The following PACRG variants were observed in gnomAD, a reference collection of about 807,000 sequenced individuals.
The protein encoded by PACRG is parkin coregulated.
A neutral mutation model predicts 29.7 loss-of-function variants in PACRG; 29 were observed. The observed-to-expected ratio is 0.98, with a 90% CI of 0.73 to 1.33. The LOEUF (loss-of-function observed/expected upper bound fraction) is 1.33. PACRG is among the 40% of genes most tolerant of loss of function. The pLI is 0.00. For missense variants in PACRG, 279 were observed against 316.2 expected (o/e 0.88, Z 0.89); for synonymous variants, 116 against 118.7 (o/e 0.98, Z 0.15).
chr6:162,966,675 A>G (rs1181452767), intron 2 of PACRG, among the ~76,000 whole-genome samples: 1 of 151,842 alleles, frequency 6.6e-6, no homozygotes, highest in African/African-American at 2.4e-5. Context: ...ACGAGGTTTC[A>G]CCGTGTTAGC....
Position 163,263,432 on chromosome 6 carries a change from G to A in PACRG, c.614-51395G>A, listed in dbSNP as rs571644324. ...CCCTGAGTCAGCACGTACAGAACAC[G>A]CTGTGCGCCAAGGACCAGACCCTGC... On this transcript the variant is annotated intron_variant, in intron 4 of 4. Coordinates refer to ENST00000366888, the MANE Select transcript of PACRG (RefSeq NM_001080379.2). Among the ~76,000 whole-genome samples, 16 of 152,254 alleles carry A rather than the reference G, an allele frequency of 1.1e-4. No individual in the cohort carries two copies. In the South Asian group the frequency reaches 2.7e-3, roughly 26 times the overall value.
chr6:162,738,244 A>C (rs1780317550), intron 1 of PACRG, among the ~76,000 whole-genome samples: 1 of 152,174 alleles, frequency 6.6e-6, no homozygotes, highest in African/African-American at 2.4e-5. Flanking sequence ...AGATGCAGAG[A>C]TATAGAGATA....
chr6:163,258,573 C>T (rs1305407075), intron 4 of PACRG, among the ~76,000 whole-genome samples: 1 of 151,918 alleles, frequency 6.6e-6, no homozygotes, highest in Non-Finnish European at 1.5e-5. Context: ...CTGGCTAACA[C>T]GGTGAAACCC....
chr6:163,089,183 C>A, intron 3 of PACRG, 76 bp from the exon 4 acceptor site: 1 of 1,468,932 alleles, frequency 6.8e-7, no homozygotes, highest in African/African-American at 1.4e-5. Flanking sequence ...AACCACAAGA[C>A]AACTTTACCT....
At chr6:163,000,734 A>G (rs966517916) in intron 2 of PACRG, among the ~76,000 whole-genome samples, 4 of 152,226 alleles carry the variant, frequency 2.6e-5, no homozygotes, top group Non-Finnish European at 4.4e-5. Context: ...CACAGCATTT[A>G]TCTATCTGAG....
rs112494307 is a variant in PACRG, at chr6:163,132,959, T to C, written c.613+43551T>C. Among the ~76,000 whole-genome samples the C allele has an allele frequency of 1.7e-3, 266 of 152,354 alleles. 1 individual carries two copies. The highest frequency in any genetic ancestry group is 5.9e-3 in the African/African-American group (245 of 41,582). ...TTTCTAGGAAATTTTTATTGGCTGC[T>C]TTTGTCCACATGATATTTACAGTGT... On this transcript the variant is annotated intron_variant, in intron 4 of 4. Transcript: ENST00000366888.
intron 2 of PACRG, among the ~76,000 whole-genome samples, chr6:162,998,606 G>T (rs1469892168): frequency 6.6e-6 from 1 of 152,018 alleles, no homozygotes; most frequent in African/African-American, 2.4e-5. Flanking sequence ...TTCATTCTTT[G>T]TTAAGCATAT....
chr6:162,984,074 A>G (rs893290633), intron 2 of PACRG, among the ~76,000 whole-genome samples: 3 of 151,950 alleles, frequency 2.0e-5, no homozygotes, highest in African/African-American at 4.8e-5. Context: ...GTTTGGTTAC[A>G]TGAATAATTT....
chr6:162,847,052 GCTC>G (rs1014821860), intron 2 of PACRG, among the ~76,000 whole-genome samples: 11 of 132,536 alleles, frequency 8.3e-5, no homozygotes, highest in African/African-American at 3.2e-4. Context: ...TGACTGCCGT[GCTC>G]CTCATGCTGA....
Position 162,814,237 on chromosome 6 carries a change from A to C in PACRG, c.247A>C (p.Ile83Leu). The change falls in exon 2 of 5, where the codon ATT becomes CTT. Residue 83 changes from isoleucine (I) to leucine (L), a missense_variant. Ile to Leu is a conservative substitution (Grantham distance 5). Transcript: ENST00000366888. Reference sequence around the variant, plus strand: ...ATTCTATGAGCGAGGTGACTTCCCAATTGCCCTTGAGCATGATTCGAAAGG... The same window carrying C: ...ATTCTATGAGCGAGGTGACTTCCCACTTGCCCTTGAGCATGATTCGAAAGG... ...RKFYERGDFP[I>L]ALEHDSKGNK... 1 of 1,613,980 alleles carries C rather than the reference A, an allele frequency of 6.2e-7. No individual in the cohort carries two copies. Among genetic ancestry groups the C allele is most frequent in the Non-Finnish European group, 8.5e-7 (1 of 1,179,924 alleles).
At chr6:163,155,766 T>A (rs1188349520) in intron 4 of PACRG, among the ~76,000 whole-genome samples, 1 of 152,250 alleles carries the variant, frequency 6.6e-6, no homozygotes, top group Non-Finnish European at 1.5e-5. Flanking sequence ...GTCTCTATCC[T>A]GTCCCAACCC....
At chr6:163,216,456 A>G (rs1320773150) in intron 4 of PACRG, among the ~76,000 whole-genome samples, 2 of 152,236 alleles carry the variant, frequency 1.3e-5, no homozygotes, top group Non-Finnish European at 2.9e-5. Context: ...ACGAAGAGGA[A>G]CACAAACTGA....
At chr6:162,970,700 T>C (rs145860192) in intron 2 of PACRG, among the ~76,000 whole-genome samples, 84 of 152,332 alleles carry the variant, frequency 5.5e-4, no homozygotes, top group African/African-American at 1.9e-3. Flanking sequence ...TGAAAGTTGT[T>C]GAGAGAGCTA....
chr6:162,913,411 G>A (rs561222307), intron 2 of PACRG, among the ~76,000 whole-genome samples: 232 of 152,208 alleles, frequency 1.5e-3, no homozygotes, highest in African/African-American at 5.4e-3. Flanking sequence ...TTATTGCTGA[G>A]TAGTGTTTTA....
chr6:162,965,781 G>T (rs1800973753), intron 2 of PACRG, among the ~76,000 whole-genome samples: 1 of 152,226 alleles, frequency 6.6e-6, no homozygotes, highest in Non-Finnish European at 1.5e-5. Flanking sequence ...TTCAGATAAA[G>T]ATGTAAATTT....
chr6:162,819,581 T>C (rs1456062880), intron 2 of PACRG, among the ~76,000 whole-genome samples: 3 of 152,216 alleles, frequency 2.0e-5, no homozygotes, highest in Non-Finnish European at 4.4e-5. Context: ...CCTGAAATCC[T>C]ATAAGGCGAG....
intron 4 of PACRG, among the ~76,000 whole-genome samples, chr6:163,248,203 C>T (rs1308757677): frequency 1.3e-5 from 2 of 152,214 alleles, no homozygotes; most frequent in Non-Finnish European, 2.9e-5. Flanking sequence ...GGGTGAGGAG[C>T]CTGTCACAAT....
chr6:162,908,832 C>T (rs1796107842), intron 2 of PACRG, among the ~76,000 whole-genome samples: 1 of 152,096 alleles, frequency 6.6e-6, no homozygotes, highest in African/African-American at 2.4e-5. Context: ...GATGGATCTC[C>T]ACAGGAAGCA....
intron 2 of PACRG, among the ~76,000 whole-genome samples, chr6:162,900,215 G>A (rs916661564): frequency 3.3e-5 from 5 of 152,076 alleles, no homozygotes; most frequent in Non-Finnish European, 7.4e-5. Flanking sequence ...CACTCACAAT[G>A]CTCACGGATG....
Sources: allele counts gnomAD v4.1 joint callset (sites outside exome capture counted in the v4.1 genomes callset), GRCh38; gene constraint gnomAD v4.1.1; transcripts MANE v1.5; gene names NCBI Gene and HGNC (gene_info 2026-07-23, HGNC 2026-07-21).